DMD: variants seen among roughly 807,000 people sequenced by gnomAD.
DMD encodes mutant dystrophin.
Under a neutral mutation model 330.1 loss-of-function variants are expected in DMD, and 63 were observed. The observed-to-expected ratio is 0.19, with a 90% confidence interval of 0.16 to 0.24. DMD has a LOEUF of 0.24. DMD is among the 10% of genes least tolerant of loss of function. The probability of loss-of-function intolerance (pLI) is 1.00; values close to 1 mark genes in which losing one functional copy is unlikely to be tolerated. For synonymous variants in DMD, 1,223 were observed against 959.8 expected (o/e 1.27, Z -5.07); for missense variants, 3,344 against 2,684.1 (o/e 1.25, Z -5.43).
intron 77 of DMD, among the ~76,000 whole-genome samples, chrX:31,132,090 AC>A (rs745814238): frequency 1.8e-5 from 2 of 112,194 alleles, no homozygotes; most frequent in African/African-American, 6.5e-5. Flanking sequence ...TTGGTATCGG[AC>A]AAGGCTTCCT....
chrX:32,439,530 T>A (rs1296101598), intron 28 of DMD, among the ~76,000 whole-genome samples: 2 of 111,821 alleles, frequency 1.8e-5, no homozygotes, highest in Non-Finnish European at 3.8e-5. Context: ...TACATTATTT[T>A]ATAAGTCTTA....
At chrX:31,350,238 T>C (rs2058318890) in intron 60 of DMD, among the ~76,000 whole-genome samples, 1 of 111,496 alleles carries the variant, frequency 9.0e-6, no homozygotes, top group South Asian at 3.8e-4. Context: ...TTCTTCATGC[T>C]GCTCCTTCTC....
intron 1 of DMD, among the ~76,000 whole-genome samples, chrX:33,315,033 G>C (rs1378797458): frequency 9.0e-6 from 1 of 110,734 alleles, no homozygotes; most frequent in East Asian, 2.9e-4. Flanking sequence ...TGGCCAAGCT[G>C]GTCTTGAACT....
intron 52 of DMD, among the ~76,000 whole-genome samples, chrX:31,717,333 C>T (rs1174259217): frequency 3.7e-5 from 4 of 109,481 alleles, no homozygotes; most frequent in Non-Finnish European, 7.6e-5. Context: ...TGAAGGGAAA[C>T]GTGGGCATTT....
At chrX:31,124,630 G>T (rs2033363261) in intron 78 of DMD, among the ~76,000 whole-genome samples, 1 of 111,858 alleles carries the variant, frequency 8.9e-6, no homozygotes, top group Non-Finnish European at 1.9e-5. Context: ...AGAAAGTATT[G>T]ATTTAATCCA....
chrX:32,801,709 T>G (rs2076579682), intron 7 of DMD, among the ~76,000 whole-genome samples: 1 of 111,986 alleles, frequency 8.9e-6, no homozygotes, highest in Admixed American at 9.4e-5. Flanking sequence ...AGGGGTCCAG[T>G]TTCAGTCTTC....
At chrX:32,700,114 A>G (rs1005358935) in intron 7 of DMD, among the ~76,000 whole-genome samples, 8 of 111,737 alleles carry the variant, frequency 7.2e-5, no homozygotes, top group African/African-American at 2.6e-4. Context: ...TACTTACTGC[A>G]CTCATTCCAG....
At chrX:32,360,660 G>A (rs1381001397) in intron 37 of DMD, among the ~76,000 whole-genome samples, 3 of 108,508 alleles carry the variant, frequency 2.8e-5, no homozygotes, top group South Asian at 4.1e-4. Context: ...CACGGCGCCC[G>A]CCCGTAATCC....
intron 1 of DMD, among the ~76,000 whole-genome samples, chrX:33,073,045 T>C (rs2094783388): frequency 8.9e-6 from 1 of 112,319 alleles, no homozygotes; most frequent in Non-Finnish European, 1.9e-5. Flanking sequence ...TTTATCAGTT[T>C]TAACTGATAT....
At chrX:33,270,717 GAA>G (rs2053139481) in intron 1 of DMD, among the ~76,000 whole-genome samples, 2 of 111,639 alleles carry the variant, frequency 1.8e-5, no homozygotes, top group Admixed American at 1.9e-4. Context: ...TTGGTCTTCA[GAA>G]AAAGAGAGCA....
At chrX:31,190,150 A>T (rs766187058) in intron 67 of DMD, among the ~76,000 whole-genome samples, 1 of 112,472 alleles carries the variant, frequency 8.9e-6, no homozygotes, top group African/African-American at 3.2e-5. Context: ...GTGTCGACCA[A>T]AAAACATCAG....
At chrX:32,568,725 G>A (rs2052050038) in intron 15 of DMD, among the ~76,000 whole-genome samples, 1 of 110,540 alleles carries the variant, frequency 9.0e-6, no homozygotes, top group East Asian at 2.9e-4. Context: ...CTCTTTTTCT[G>A]TCTTTCAGTA....
chrX:31,776,680 G>A (rs974620057), intron 50 of DMD, among the ~76,000 whole-genome samples: 5 of 109,297 alleles, frequency 4.6e-5, no homozygotes, highest in Non-Finnish European at 5.7e-5. Flanking sequence ...CAGGAAGGAA[G>A]GAAGTCAGGA....
chrX:31,479,207 C>A (rs2068049460), intron 57 of DMD, 104 bp from the exon 58 acceptor site: 2 of 943,309 alleles, frequency 2.1e-6, no homozygotes, highest in Non-Finnish European at 3.0e-6. Context: ...AGGTCAATTT[C>A]TATCTCTTTT....
intron 1 of DMD, among the ~76,000 whole-genome samples, chrX:33,054,075 T>C (rs1481705518): frequency 9.0e-6 from 1 of 111,503 alleles, no homozygotes; most frequent in African/African-American, 3.3e-5. Flanking sequence ...ACGTGGCAAA[T>C]AAAGAGACAA....
At chrX:33,061,621 G>A (rs2094582234) in intron 1 of DMD, among the ~76,000 whole-genome samples, 1 of 111,435 alleles carries the variant, frequency 9.0e-6, no homozygotes, top group South Asian at 3.7e-4. Flanking sequence ...CTGCAGAAGA[G>A]GATTATATAA....
At chrX:31,200,398 G>A (rs7064672) in intron 67 of DMD, among the ~76,000 whole-genome samples, 22,757 of 110,565 alleles carry the variant, frequency 0.21, 1,756 homozygotes, top group Middle Eastern at 0.28. Context: ...GGACTTTAAG[G>A]GCGCAAATAA....
At chrX:32,534,858 C>A (rs1027217826) in intron 17 of DMD, among the ~76,000 whole-genome samples, 17 of 110,614 alleles carry the variant, frequency 1.5e-4, no homozygotes, top group East Asian at 2.9e-4. Context: ...CAATTCAGGC[C>A]ATCCCAGCCT....
intron 52 of DMD, among the ~76,000 whole-genome samples, chrX:31,681,817 C>G (rs2082395737): frequency 1.8e-5 from 2 of 113,043 alleles, no homozygotes; most frequent in African/African-American, 6.4e-5. Flanking sequence ...TTGAGATGGC[C>G]AGGTGCGGTG....
Sources: gnomAD v4.1 joint callset for allele counts (sites outside exome capture counted in the v4.1 genomes callset) on GRCh38, gnomAD v4.1.1 for gene constraint, MANE v1.5 for transcripts, NCBI Gene and HGNC (gene_info 2026-07-23, HGNC 2026-07-21) for gene names.